Variants in PJA2 observed in about 807,000 individuals in gnomAD.
PJA2 encodes E3 ubiquitin-protein ligase Praja-2.
A neutral mutation model predicts 69.3 loss-of-function variants in PJA2; 25 were observed. That is an observed-to-expected ratio of 0.36 (90% CI 0.26 to 0.50). PJA2 has a LOEUF of 0.50. Among genes scored for constraint, PJA2 ranks in the 20% least tolerant of loss-of-function variants. The pLI, the probability that PJA2 is intolerant of heterozygous loss-of-function variation, is 0.96. For synonymous variants in PJA2, 308 were observed against 277.8 expected (o/e 1.11, Z -1.08); for missense variants, 809 against 830.2 (o/e 0.97, Z 0.31).
Position 109,354,256 on chromosome 5 carries a change from TATG to T in PJA2, c.1764+1656_1764+1658del, listed in dbSNP as rs1203048863. ...TAGAGATTTCTATAGATTAGATATCTATGATGTCTAGAGATATCTATAGATTAG... is the reference window on the plus strand; with the variant it reads ...TAGAGATTTCTATAGATTAGATATCTATGTCTAGAGATATCTATAGATTAG... On this transcript the variant is annotated intron_variant, in intron 7 of 9. Coordinates refer to ENST00000361189, the MANE Select transcript of PJA2 (RefSeq NM_014819.5). Among the ~76,000 whole-genome samples the T allele has an allele frequency of 1.5e-4, 22 of 148,364 alleles. 2 individuals are homozygous for T. In the East Asian group the frequency reaches 4.6e-3, roughly 31 times the overall value.
intron 4 of PJA2, among the ~76,000 whole-genome samples, chr5:109,374,217 T>A (rs1762721751): frequency 6.6e-6 from 1 of 152,206 alleles, no homozygotes; most frequent in Admixed American, 6.5e-5. Flanking sequence ...AGTATCAGGT[T>A]ATTGTAATCC....
intron 5 of PJA2, among the ~76,000 whole-genome samples, chr5:109,365,599 A>G (rs1215864355): frequency 1.3e-5 from 2 of 151,902 alleles, no homozygotes; most frequent in African/African-American, 4.8e-5. Flanking sequence ...TTTTAAAACA[A>G]CTGTAATTTC....
intron 7 of PJA2, among the ~76,000 whole-genome samples, chr5:109,346,651 C>T (rs139326826): frequency 0.029 from 4,378 of 152,210 alleles, 100 homozygotes; most frequent in Non-Finnish European, 0.04. Context: ...TGAAATAAGC[C>T]AGTCACAGAA....
intron 5 of PJA2, among the ~76,000 whole-genome samples, chr5:109,367,807 A>C (rs115503006): frequency 0.013 from 1,913 of 152,318 alleles, 20 homozygotes; most frequent in Non-Finnish European, 0.017. Context: ...ATTATAGAAC[A>C]ATTCTTCATG....
intron 4 of PJA2, among the ~76,000 whole-genome samples, chr5:109,374,673 TAAGTTGTCC>T (rs1746815026): frequency 1.3e-5 from 2 of 152,314 alleles, no homozygotes; most frequent in African/African-American, 4.8e-5. Flanking sequence ...ATCAACAAAG[TAAGTTGTCC>T]CAACATTTTA....
At chr5:109,354,411 A>G (rs1185857836) in intron 7 of PJA2, among the ~76,000 whole-genome samples, 1 of 145,418 alleles carries the variant, frequency 6.9e-6, no homozygotes, top group African/African-American at 2.6e-5. Flanking sequence ...AGATATCTAT[A>G]GATTAGATAT....
At chr5:109,343,988 T>A (rs538793537) in intron 9 of PJA2, among the ~76,000 whole-genome samples, 1 of 151,576 alleles carries the variant, frequency 6.6e-6, no homozygotes, top group Admixed American at 6.6e-5. Context: ...TCCCAGCTAC[T>A]TGGGAGGCTG....
At chr5:109,348,943 T>C (rs1233984539) in intron 7 of PJA2, among the ~76,000 whole-genome samples, 1 of 152,232 alleles carries the variant, frequency 6.6e-6, no homozygotes, top group Admixed American at 6.5e-5. Context: ...TATTTCAATA[T>C]GCCAGTTGTT....
At chr5:109,407,139 A>G (rs1306245615) in intron 1 of PJA2, among the ~76,000 whole-genome samples, 21 of 152,204 alleles carry the variant, frequency 1.4e-4, no homozygotes, top group Admixed American at 1.4e-3. Flanking sequence ...TGGTGGTCAC[A>G]GAGCACATAT....
chr5:109,400,339 T>C lies in PJA2; in HGVS notation c.-88+9503A>G, dbSNP rs377179723. ...TCAAAAGAAATGATCCAAGCCTAGA[T>C]AAAAAGTGATTTAACTGAAAAGAAA... On this transcript the variant is annotated intron_variant, in intron 1 of 9. Transcript: ENST00000361189. Among the ~76,000 whole-genome samples, 58 of 146,794 alleles carry C rather than the reference T, an allele frequency of 4.0e-4. No individual in the cohort carries two copies. In the South Asian group the frequency reaches 0.012, roughly 30 times the overall value.
At chr5:109,384,402 G>C (rs1747115561) in intron 1 of PJA2, among the ~76,000 whole-genome samples, 1 of 152,132 alleles carries the variant, frequency 6.6e-6, no homozygotes, top group Admixed American at 6.5e-5. Flanking sequence ...ATTTATCATG[G>C]AACAAATACA....
intron 4 of PJA2, among the ~76,000 whole-genome samples, chr5:109,369,813 AC>A (rs1762645409): frequency 6.6e-6 from 1 of 152,150 alleles, no homozygotes. Flanking sequence ...TGGGCAGATC[AC>A]CTGAGGTCGG....
chr5:109,342,234 G>A (rs1220724594), intron 9 of PJA2, among the ~76,000 whole-genome samples: 3 of 53,600 alleles, frequency 5.6e-5, no homozygotes, highest in African/African-American at 2.8e-4. Flanking sequence ...CAGCCGCCCT[G>A]TCCAGGAGGT....
At chr5:109,369,831 G>C (rs187450316) in intron 4 of PJA2, among the ~76,000 whole-genome samples, 1 of 152,064 alleles carries the variant, frequency 6.6e-6, no homozygotes, top group Non-Finnish European at 1.5e-5. Flanking sequence ...TCGGGAGTTC[G>C]AGAGCAGCCT....
intron 4 of PJA2, 98 bp downstream of exon 4, chr5:109,378,106 C>G: frequency 1.2e-6 from 1 of 828,040 alleles, no homozygotes; most frequent in Non-Finnish European, 1.9e-6. Flanking sequence ...ATGTCTAATT[C>G]CCTGATCATA....
chr5:109,404,554 A>G (rs1209188351), intron 1 of PJA2, among the ~76,000 whole-genome samples: 1 of 152,128 alleles, frequency 6.6e-6, no homozygotes, highest in Non-Finnish European at 1.5e-5. Context: ...TTTATTTTTC[A>G]CAGTTCTGGA....
intron 5 of PJA2, among the ~76,000 whole-genome samples, chr5:109,365,166 A>C (rs1260846167): frequency 1.3e-5 from 2 of 152,042 alleles, no homozygotes; most frequent in Non-Finnish European, 2.9e-5. Flanking sequence ...TGTGTTTTTT[A>C]TTTTTTCTTC....
At chr5:109,354,781 A>T (rs1762384111) in intron 7 of PJA2, among the ~76,000 whole-genome samples, 2 of 140,636 alleles carry the variant, frequency 1.4e-5, no homozygotes, top group Non-Finnish European at 3.3e-5. Flanking sequence ...TAAATATATC[A>T]ATATTAGATA....
chr5:109,407,291 C>A (rs1379038615), intron 1 of PJA2, among the ~76,000 whole-genome samples: 1 of 151,872 alleles, frequency 6.6e-6, no homozygotes, highest in Non-Finnish European at 1.5e-5. Flanking sequence ...CACATATACC[C>A]ACCTCAAAAG....
Sources: gnomAD v4.1 joint callset for allele counts (sites outside exome capture counted in the v4.1 genomes callset) on GRCh38, gnomAD v4.1.1 for gene constraint, MANE v1.5 for transcripts, NCBI Gene and HGNC (gene_info 2026-07-23, HGNC 2026-07-21) for gene names.